LINC00632: variants seen among roughly 807,000 people sequenced by gnomAD.
LINC00632 encodes the protein long independently transcribed non-coding RNA 632.
intron 3 of LINC00632, among the ~76,000 whole-genome samples, chrX:140,755,219 T>C (rs1931474447): frequency 8.9e-6 from 1 of 112,158 alleles, no homozygotes; most frequent in Non-Finnish European, 1.9e-5. Flanking sequence ...TGAATGTCCA[T>C]ATTTGGTGCC....
At chrX:140,738,193 G>T (rs963485635) in intron 3 of LINC00632, among the ~76,000 whole-genome samples, 2 of 111,511 alleles carry the variant, frequency 1.8e-5, no homozygotes, top group African/African-American at 6.5e-5. Flanking sequence ...TTAATTTTAA[G>T]CATGTGGGAA....
At chrX:140,742,299 T>C (rs142011742) in intron 3 of LINC00632, among the ~76,000 whole-genome samples, 122 of 111,756 alleles carry the variant, frequency 1.1e-3, no homozygotes, top group African/African-American at 3.9e-3. Flanking sequence ...GCACCTGATA[T>C]ATATTTTTTA....
chrX:140,784,791 A>G, exon 5 of LINC00632: 1 of 157,690 alleles, frequency 6.3e-6, no homozygotes, highest in Non-Finnish European at 1.3e-5. Context: ...CAACTCAACT[A>G]TTTCTGCTTC....
At chrX:140,744,930 C>T (rs934683692) in intron 3 of LINC00632, among the ~76,000 whole-genome samples, 3 of 110,272 alleles carry the variant, frequency 2.7e-5, no homozygotes, top group African/African-American at 9.9e-5. Flanking sequence ...AAAATCCCTG[C>T]TGTGTTCCCA....
chrX:140,750,785 C>T (rs918020361), intron 3 of LINC00632, among the ~76,000 whole-genome samples: 3 of 110,509 alleles, frequency 2.7e-5, no homozygotes, highest in Admixed American at 9.7e-5. Context: ...CACATCCTTT[C>T]CCGGTGAGTC....
chrX:140,786,451 T>C (rs770317995), exon 5 of LINC00632, among the ~76,000 whole-genome samples: 3 of 111,718 alleles, frequency 2.7e-5, no homozygotes, highest in Non-Finnish European at 5.7e-5. Context: ...GAAGAATCTA[T>C]ATTGTCATTT....
exon 5 of LINC00632, chrX:140,782,867 TC>T (rs1282145866): frequency 2.0e-5 from 2 of 98,722 alleles, no homozygotes; most frequent in African/African-American, 4.8e-5. Context: ...TTCCAAACTG[TC>T]TTTTTGACAT....
exon 5 of LINC00632, chrX:140,783,601 T>C: frequency 8.3e-7 from 1 of 1,207,244 alleles, no homozygotes; most frequent in Non-Finnish European, 1.1e-6. Flanking sequence ...TCAATCAGTG[T>C]CTTCCAGAAA....
At chrX:140,711,795 C>G (rs1930520830) in intron 2 of LINC00632, 1 of 145,185 alleles carries the variant, frequency 6.9e-6, no homozygotes, top group African/African-American at 3.2e-5. Context: ...TGATATTTTA[C>G]AGTTTTACAT....
intron 3 of LINC00632, among the ~76,000 whole-genome samples, chrX:140,748,894 AATAT>A (rs1320194053): frequency 6.6e-5 from 7 of 106,853 alleles, no homozygotes; most frequent in Admixed American, 4.2e-4. Context: ...TATAAAATAA[AATAT>A]ATATATTTTA....
intron 3 of LINC00632, among the ~76,000 whole-genome samples, chrX:140,751,509 G>A (rs182096012): frequency 6.3e-5 from 7 of 111,048 alleles, no homozygotes; most frequent in Admixed American, 3.9e-4. Flanking sequence ...AACCTAAACC[G>A]ATCTGCCAGT....
At chrX:140,725,236 C>CGT (rs1445875910) in intron 2 of LINC00632, among the ~76,000 whole-genome samples, 3 of 95,864 alleles carry the variant, frequency 3.1e-5, no homozygotes, top group African/African-American at 1.1e-4. Context: ...ACACACATTC[C>CGT]ATACACACAC....
chrX:140,763,222 C>G (rs1284145302), intron 3 of LINC00632, among the ~76,000 whole-genome samples: 2 of 110,242 alleles, frequency 1.8e-5, no homozygotes, highest in Non-Finnish European at 3.8e-5. Context: ...ATGGTGAAAC[C>G]CCGTCTCTAT....
chrX:140,715,676 T>C (rs1280396608), intron 2 of LINC00632, among the ~76,000 whole-genome samples: 3 of 111,353 alleles, frequency 2.7e-5, no homozygotes. Flanking sequence ...AATGCAAACA[T>C]GTATCCCAAA....
intron 3 of LINC00632, among the ~76,000 whole-genome samples, chrX:140,762,236 A>AGAGAGAGAGAGAGAGAGAGCAC (rs1931610182): frequency 5.0e-5 from 3 of 59,815 alleles, no homozygotes; most frequent in African/African-American, 1.3e-4. Flanking sequence ...AGAGAGAGAG[A>AGAGAGAGAGAGAGAGAGAGCAC]GAGAGAGCAC....
intron 2 of LINC00632, among the ~76,000 whole-genome samples, chrX:140,732,442 A>G (rs758066035): frequency 9.0e-6 from 1 of 111,658 alleles, no homozygotes; most frequent in Non-Finnish European, 1.9e-5. Flanking sequence ...ATATGTACAT[A>G]TAGACATCCA....
intron 2 of LINC00632, chrX:140,714,334 A>G (rs925182342): frequency 8.2e-5 from 10 of 122,599 alleles, no homozygotes; most frequent in Non-Finnish European, 3.3e-5. Flanking sequence ...GTCACCCCGC[A>G]AAGCACAGAC....
At chrX:140,723,655 CACATTCCATAT>C (rs1930801922) in intron 2 of LINC00632, among the ~76,000 whole-genome samples, 3 of 91,616 alleles carry the variant, frequency 3.3e-5, no homozygotes, top group African/African-American at 8.4e-5. Context: ...CATACACACA[CACATTCCATAT>C]ACACACATTC....
At chrX:140,717,368 G>A (rs1005066384) in intron 2 of LINC00632, among the ~76,000 whole-genome samples, 2 of 110,105 alleles carry the variant, frequency 1.8e-5, no homozygotes, top group Non-Finnish European at 3.8e-5. Context: ...CTGACTTACC[G>A]AACACTGCCA....
Sources: gnomAD v4.1 joint callset for allele counts (sites outside exome capture counted in the v4.1 genomes callset) on GRCh38, gnomAD v4.1.1 for gene constraint, MANE v1.5 for transcripts, NCBI Gene and HGNC (gene_info 2026-07-23, HGNC 2026-07-21) for gene names.